Variants in FRMD4A observed in about 807,000 individuals in gnomAD.
The protein encoded by FRMD4A is FERM domain containing 4A.
In FRMD4A, 29 loss-of-function variants were observed where a neutral mutation model predicts 129.1. The ratio of observed to expected loss-of-function variants is 0.22; its 90% CI spans 0.17 to 0.31. The LOEUF is 0.31. Among genes scored for constraint, FRMD4A ranks in the 10% least tolerant of loss-of-function variants. The pLI, the probability that FRMD4A is intolerant of heterozygous loss-of-function variation, is 1.00. For synonymous variants in FRMD4A, 634 were observed against 571.6 expected (o/e 1.11, Z -1.56); for missense variants, 1,272 against 1,375.8 (o/e 0.92, Z 1.19).
chr10:13,752,346 G>A (rs991755752), intron 8 of FRMD4A, among the ~76,000 whole-genome samples: 6 of 152,206 alleles, frequency 3.9e-5, no homozygotes, highest in Non-Finnish European at 8.8e-5. Flanking sequence ...ACAGTGAACA[G>A]CAGATTTAAC....
chr10:13,924,839 C>T (rs576352764), intron 2 of FRMD4A, among the ~76,000 whole-genome samples: 5 of 151,942 alleles, frequency 3.3e-5, no homozygotes, highest in African/African-American at 4.8e-5. Context: ...CCGAAGCGGG[C>T]GGATCATGAG....
chr10:13,820,142 G>A (rs1334339048), intron 3 of FRMD4A, among the ~76,000 whole-genome samples: 2 of 152,200 alleles, frequency 1.3e-5, no homozygotes, highest in Admixed American at 6.5e-5. Flanking sequence ...GTGGGGAAGC[G>A]ATTGTCCCCT....
chr10:13,782,417 A>T (rs1295139940), intron 6 of FRMD4A, among the ~76,000 whole-genome samples: 2 of 146,584 alleles, frequency 1.4e-5, no homozygotes, highest in Non-Finnish European at 3.0e-5. Flanking sequence ...GGATCAAAGG[A>T]ATCACATTAT....
chr10:14,284,338 A>G (rs1251329260), intron 2 of FRMD4A, among the ~76,000 whole-genome samples: 1 of 152,176 alleles, frequency 6.6e-6, no homozygotes, highest in Non-Finnish European at 1.5e-5. Context: ...TTATACCAAC[A>G]AAACCCAATT....
intron 2 of FRMD4A, among the ~76,000 whole-genome samples, chr10:14,307,981 G>T (rs1589291472): frequency 6.6e-6 from 1 of 150,840 alleles, no homozygotes; most frequent in Non-Finnish European, 1.5e-5. Context: ...TTGAAGGCTG[G>T]TGGCAAAATC....
At chr10:13,775,526 C>G (rs1283386093) in intron 6 of FRMD4A, among the ~76,000 whole-genome samples, 3 of 152,152 alleles carry the variant, frequency 2.0e-5, no homozygotes, top group African/African-American at 7.2e-5. Context: ...CATTTTACTT[C>G]CCATATGCGC....
intron 2 of FRMD4A, among the ~76,000 whole-genome samples, chr10:14,033,035 G>T (rs1833322196): frequency 6.6e-6 from 1 of 152,182 alleles, no homozygotes; most frequent in African/African-American, 2.4e-5. Flanking sequence ...GGCTGGGCGC[G>T]GTGGCTCACG....
intron 14 of FRMD4A, among the ~76,000 whole-genome samples, chr10:13,697,314 G>A (rs759867373): frequency 3.9e-5 from 6 of 152,046 alleles, no homozygotes; most frequent in African/African-American, 9.7e-5. Flanking sequence ...GGTCCACCAC[G>A]CCTGGCTATT....
At chr10:13,904,940 C>T (rs982396007) in intron 2 of FRMD4A, among the ~76,000 whole-genome samples, 3 of 123,994 alleles carry the variant, frequency 2.4e-5, no homozygotes, top group East Asian at 2.7e-4. Flanking sequence ...TTGCAGTGAG[C>T]GGAGATTGTG....
chr10:14,328,368 GT>G (rs1367959404), intron 2 of FRMD4A, among the ~76,000 whole-genome samples: 10 of 77,154 alleles, frequency 1.3e-4, no homozygotes, highest in African/African-American at 3.4e-4. Flanking sequence ...GTGTGTGTGG[GT>G]GGGGGGGGGG....
intron 2 of FRMD4A, among the ~76,000 whole-genome samples, chr10:14,161,078 C>T (rs1021506458): frequency 9.8e-5 from 15 of 152,314 alleles, no homozygotes; most frequent in Middle Eastern, 3.4e-3. Context: ...CCTCAGCCCC[C>T]CGAGTCGCTG....
chr10:14,097,979 T>A (rs1837071663), intron 2 of FRMD4A, among the ~76,000 whole-genome samples: 2 of 144,262 alleles, frequency 1.4e-5, no homozygotes, highest in Admixed American at 7.1e-5. Flanking sequence ...ATACAAATTA[T>A]ATATTATATA....
chr10:14,271,696 A>G (rs905676745), intron 2 of FRMD4A, among the ~76,000 whole-genome samples: 1 of 152,210 alleles, frequency 6.6e-6, no homozygotes, highest in Non-Finnish European at 1.5e-5. Flanking sequence ...ATCTGGGATA[A>G]CTTTGCATTA....
chr10:13,862,423 C>A (rs1397512555), intron 2 of FRMD4A, among the ~76,000 whole-genome samples: 2 of 152,206 alleles, frequency 1.3e-5, no homozygotes, highest in African/African-American at 4.8e-5. Flanking sequence ...CTGAGGTTCT[C>A]ATTTTCATCT....
chr10:14,087,783 C>T (rs541516363), intron 2 of FRMD4A, among the ~76,000 whole-genome samples: 1 of 150,078 alleles, frequency 6.7e-6, no homozygotes, highest in Admixed American at 6.6e-5. Flanking sequence ...TTTCAACAGC[C>T]TGTCGGCAGC....
intron 8 of FRMD4A, among the ~76,000 whole-genome samples, chr10:13,748,322 A>G (rs2091401636): frequency 6.6e-6 from 1 of 152,228 alleles, no homozygotes; most frequent in Non-Finnish European, 1.5e-5. Flanking sequence ...CACATGCTGG[A>G]AACTGTTTTC....
intron 2 of FRMD4A, among the ~76,000 whole-genome samples, chr10:14,169,138 G>A (rs1328420549): frequency 6.7e-6 from 1 of 150,362 alleles, no homozygotes; most frequent in African/African-American, 2.5e-5. Flanking sequence ...AATATACAAT[G>A]TCTGCATCAG....
chr10:14,309,072 C>G (rs1846448562), intron 2 of FRMD4A, among the ~76,000 whole-genome samples: 1 of 152,164 alleles, frequency 6.6e-6, no homozygotes, highest in East Asian at 1.9e-4. Flanking sequence ...TAGATTCAAA[C>G]CACAATCGGC....
Position 13,646,856 on chromosome 10 carries a change from C to T in FRMD4A, c.*182G>A, listed in dbSNP as rs2081146160. The stretch of plus-strand genomic sequence containing the variant: ...CCAAAGCTGGTGCAGGGTGACGGTG[C>T]GTCTGGGTAAGGCAAATGAGAGGCA... On this transcript the variant is annotated 3_prime_UTR_variant, in exon 25 of 25. Transcript: ENST00000357447. The T allele has an allele frequency of 8.8e-6, 2 of 228,244 alleles. No individual in the cohort carries two copies. Among genetic ancestry groups the T allele is most frequent in the Non-Finnish European group, 1.5e-5 (2 of 137,030 alleles). The allele number at this position is 228,244 out of a possible 1,614,324, so 14.1% of individuals were successfully genotyped here. A position where few individuals can be genotyped will look rare whatever the true frequency, so the allele number is the denominator to read the frequency against.
Sources: allele counts gnomAD v4.1 joint callset (sites outside exome capture counted in the v4.1 genomes callset), GRCh38; gene constraint gnomAD v4.1.1; transcripts MANE v1.5; gene names NCBI Gene and HGNC (gene_info 2026-07-23, HGNC 2026-07-21).